Variants in EFR3A observed in about 807,000 individuals in gnomAD.
EFR3A encodes protein EFR3 homolog A.
In EFR3A, 76 loss-of-function variants were observed where a neutral mutation model predicts 104.4. The ratio of observed to expected loss-of-function variants is 0.73; its 90% CI spans 0.60 to 0.88. The LOEUF (loss-of-function observed/expected upper bound fraction) is 0.88, where lower values mean the gene tolerates loss of function less well. EFR3A is among the 40% of genes least tolerant of loss of function. EFR3A has a pLI of 0.00. For missense variants in EFR3A, 985 were observed against 1,012.5 expected (o/e 0.97, Z 0.37); for synonymous variants, 330 against 330.0 (o/e 1.00, Z 0.00).
intron 1 of EFR3A, among the ~76,000 whole-genome samples, chr8:131,909,012 G>A (rs1336637194): frequency 6.6e-6 from 1 of 152,034 alleles, no homozygotes; most frequent in Non-Finnish European, 1.5e-5. Flanking sequence ...CTCTCTTCTA[G>A]CTACTTTGAA....
intron 1 of EFR3A, among the ~76,000 whole-genome samples, chr8:131,935,964 T>C (rs10956623): frequency 0.041 from 6,274 of 152,026 alleles, 317 homozygotes; most frequent in East Asian, 0.12. Flanking sequence ...AACCAACCAC[T>C]TACAATATTG....
chr8:131,940,654 A>G (rs933777647), intron 2 of EFR3A, 79 bp downstream of exon 2: 1 of 1,502,786 alleles, frequency 6.7e-7, no homozygotes, highest in Admixed American at 2.3e-5. Flanking sequence ...GGTTTCCCTA[A>G]TTTCATTTCT....
At position 131,944,751 on chromosome 8, in the gene EFR3A, C is replaced by A; in HGVS notation, c.94C>A (p.Leu32Ile). ...ATCTTGTTATTGTTTTTAGGATGGC[C>A]TTGTGAAAACTGATATGGAGAAATT... ...NIFPEDPKDG[L>I]VKTDMEKLTF... Residue 32 changes from leucine to isoleucine, a missense_variant, in exon 3 of 23, where the codon CTT (leucine) becomes ATT (isoleucine). Leu to Ile is a conservative substitution (Grantham distance 5). Coordinates refer to ENST00000254624, the MANE Select transcript of EFR3A (RefSeq NM_015137.6). 2 of 1,589,100 alleles carry A rather than the reference C, an allele frequency of 1.3e-6. No homozygotes were observed. The highest frequency in any genetic ancestry group is 2.3e-5 in the East Asian group (1 of 43,918).
rs780773304 is a variant in EFR3A, at chr8:131,987,562, A to G, written c.1938-13A>G. The G allele has an allele frequency of 4.1e-5, 65 of 1,581,842 alleles. No homozygotes were observed. The highest frequency in any genetic ancestry group is 5.5e-5 in the Non-Finnish European group (64 of 1,164,500). ...TTAATACTGAATGATTGTTGTTTTG[A>G]TGAACTTCGCAGGCTTCCAAAATCT... On this transcript the variant is annotated splice_polypyrimidine_tract_variant and intron_variant, in intron 17 of 22. Coordinates refer to ENST00000254624, the MANE Select transcript of EFR3A (RefSeq NM_015137.6).
intron 8 of EFR3A, among the ~76,000 whole-genome samples, chr8:131,959,945 T>G (rs2130647990): frequency 6.6e-6 from 1 of 152,310 alleles, no homozygotes; most frequent in Non-Finnish European, 1.5e-5. Context: ...CCTGATTCAT[T>G]GAGGGTGTTG....
Position 131,940,480 on chromosome 8 carries a change from A to ATTTT in EFR3A, c.11-9_11-6dup. The ATTTT allele has an allele frequency of 2.9e-6, 4 of 1,386,954 alleles. No individual in the cohort carries two copies. Among genetic ancestry groups the ATTTT allele is most frequent in the South Asian group, 1.3e-5 (1 of 75,112 alleles). The allele number at this position is 1,386,954 out of a possible 1,614,324, so 85.9% of individuals were successfully genotyped here. A position where few individuals can be genotyped will look rare whatever the true frequency, so the allele number is the denominator to read the frequency against. On this transcript the variant is annotated intron_variant, in intron 1 of 22. Transcript: ENST00000254624. ...ATATTAATAATATCTGTATTTCTTG[A>ATTTT]TTTTTTTTTTTTTAACAGGAGTATG...
At chr8:131,956,499 C>T (rs553674236) in intron 7 of EFR3A, among the ~76,000 whole-genome samples, 100 of 152,160 alleles carry the variant, frequency 6.6e-4, no homozygotes, top group Non-Finnish European at 1.2e-3. Context: ...CTGACTCAAT[C>T]ACCAGATGAT....
At chr8:131,999,320 A>G (rs187787487) in intron 19 of EFR3A, among the ~76,000 whole-genome samples, 41 of 152,270 alleles carry the variant, frequency 2.7e-4, no homozygotes, top group African/African-American at 8.7e-4. Context: ...GTATGCTAGC[A>G]TCTAGTCAAT....
chr8:131,924,128 A>C (rs1240491054), intron 1 of EFR3A: 1 of 444,576 alleles, frequency 2.2e-6, no homozygotes, highest in Admixed American at 2.4e-5. Context: ...TCTTGTGAGA[A>C]CTAAGGACCA....
chr8:131,916,647 A>G (rs1177225214), intron 1 of EFR3A, among the ~76,000 whole-genome samples: 1 of 152,246 alleles, frequency 6.6e-6, no homozygotes, highest in Non-Finnish European at 1.5e-5. Context: ...AGTGAGGCAC[A>G]GGAACCGAAG....
At chr8:131,937,486 T>C (rs904925844) in intron 1 of EFR3A, among the ~76,000 whole-genome samples, 1 of 152,172 alleles carries the variant, frequency 6.6e-6, no homozygotes, top group Non-Finnish European at 1.5e-5. Flanking sequence ...CCCAAAGTTA[T>C]CCCACTTGAG....
At chr8:131,972,802 A>C (rs1325292467) in intron 10 of EFR3A, among the ~76,000 whole-genome samples, 1 of 152,048 alleles carries the variant, frequency 6.6e-6, no homozygotes, top group Non-Finnish European at 1.5e-5. Flanking sequence ...TTATCTGGGT[A>C]ATTTTTTCAC....
chr8:132,010,405 G>GATATATATATATATATAT (rs200821953), intron 22 of EFR3A, among the ~76,000 whole-genome samples: 26 of 88,000 alleles, frequency 3.0e-4, no homozygotes, highest in African/African-American at 4.7e-4. Context: ...AATCAAGTAT[G>GATATATATATATATATAT]AGATATATAT....
At chr8:131,962,266 A>G (rs1020687184) in intron 8 of EFR3A, among the ~76,000 whole-genome samples, 11 of 152,220 alleles carry the variant, frequency 7.2e-5, no homozygotes, top group Non-Finnish European at 1.6e-4. Context: ...CAGACTGGCA[A>G]ATTGGATTAA....
chr8:131,982,165 T>C (rs892744278), intron 14 of EFR3A, among the ~76,000 whole-genome samples: 1 of 152,130 alleles, frequency 6.6e-6, no homozygotes, highest in Non-Finnish European at 1.5e-5. Flanking sequence ...GGAAATTGAC[T>C]CTTTCAAATT....
In EFR3A at chr8:131,944,731, G is replaced by C; in HGVS notation, c.88-14G>C. 6.4e-7 allele frequency: 1 copy of C among 1,561,248 alleles called. No homozygotes were observed. Among genetic ancestry groups the C allele is most frequent in the Non-Finnish European group, 8.7e-7 (1 of 1,155,150 alleles). The stretch of plus-strand genomic sequence containing the variant: ...AAAATATAGATAATCTATTTATCTT[G>C]TTATTGTTTTTAGGATGGCCTTGTG... On this transcript the variant is annotated splice_polypyrimidine_tract_variant and intron_variant, in intron 2 of 22. Coordinates refer to ENST00000254624, the MANE Select transcript of EFR3A (RefSeq NM_015137.6).
intron 21 of EFR3A, among the ~76,000 whole-genome samples, chr8:132,003,009 T>A (rs1256456243): frequency 6.6e-6 from 1 of 152,184 alleles, no homozygotes; most frequent in African/African-American, 2.4e-5. Flanking sequence ...TTTATGTGTT[T>A]GTTGATATGT....
intron 1 of EFR3A, among the ~76,000 whole-genome samples, chr8:131,919,930 A>G (rs1220505304): frequency 6.6e-6 from 1 of 151,828 alleles, no homozygotes; most frequent in South Asian, 2.1e-4. Flanking sequence ...GTATCAGATT[A>G]CTGTAGTGAC....
At chr8:131,981,993 A>G (rs964565425) in intron 14 of EFR3A, among the ~76,000 whole-genome samples, 9 of 152,150 alleles carry the variant, frequency 5.9e-5, no homozygotes, top group African/African-American at 2.2e-4. Context: ...ATTATGTCAA[A>G]AAGAGTACTT....
Sources: allele counts gnomAD v4.1 joint callset (sites outside exome capture counted in the v4.1 genomes callset), GRCh38; gene constraint gnomAD v4.1.1; transcripts MANE v1.5; gene names NCBI Gene and HGNC (gene_info 2026-07-23, HGNC 2026-07-21).